CSF2RA: variants seen among roughly 807,000 people sequenced by gnomAD.
CSF2RA encodes the protein colony stimulating factor 2 receptor subunit alpha.
CSF2RA carries 42 observed loss-of-function variants against 51.6 expected under a neutral mutation model. The ratio of observed to expected loss-of-function variants is 0.81; its 90% CI spans 0.64 to 1.05. The LOEUF (loss-of-function observed/expected upper bound fraction) is 1.05, where lower values mean the gene tolerates loss of function less well. Ranked by LOEUF, CSF2RA falls within the 50% of genes least tolerant of loss-of-function variation. CSF2RA has a pLI of 0.00. For synonymous variants in CSF2RA, 222 were observed against 193.0 expected (o/e 1.15, Z -1.24); for missense variants, 530 against 501.1 (o/e 1.06, Z -0.55).
At chrX:1,324,099 C>G in the CSF2RA span, among the ~76,000 whole-genome samples, 2 of 151,872 alleles carry the variant, frequency 1.3e-5, no homozygotes, top group Admixed American at 6.6e-5. Flanking sequence ...GTGGGAGGAT[C>G]ACTTGAGTCT....
chrX:1,295,859 CA>C (rs2091893906), intron 9 of CSF2RA, among the ~76,000 whole-genome samples: 1 of 129,634 alleles, frequency 7.7e-6, no homozygotes, highest in Non-Finnish European at 1.7e-5. Context: ...CTACTCACCA[CA>C]CCTAATGTAA....
the CSF2RA span, among the ~76,000 whole-genome samples, chrX:1,317,071 C>T: frequency 1.6e-4 from 24 of 151,824 alleles, no homozygotes; most frequent in East Asian, 4.1e-3. Context: ...CTCAGCCTCC[C>T]GAGTAGCTGG....
At chrX:1,320,701 C>T in the CSF2RA span, among the ~76,000 whole-genome samples, 1,516 of 137,922 alleles carry the variant, frequency 0.011, 23 homozygotes, top group African/African-American at 0.029. Flanking sequence ...TTAGTAGAGA[C>T]GGGGTTTCGC....
At chrX:1,270,913 G>A (rs768454706) in intron 1 of CSF2RA, among the ~76,000 whole-genome samples, 91 of 42,336 alleles carry the variant, frequency 2.1e-3, no homozygotes, top group East Asian at 0.011. Flanking sequence ...GTGGTGGCGG[G>A]CGCCTGTAAT....
intron 4 of CSF2RA, among the ~76,000 whole-genome samples, chrX:1,287,675 C>G (rs1220400055): frequency 1.4e-5 from 2 of 138,076 alleles, no homozygotes; most frequent in African/African-American, 5.5e-5. Flanking sequence ...AACTCCTGAC[C>G]TCAAGTGATC....
At chrX:1,288,729 G>A (rs2091049521) in intron 5 of CSF2RA, 30 bp from the exon 6 acceptor site, 2 of 1,613,866 alleles carry the variant, frequency 1.2e-6, no homozygotes, top group South Asian at 1.1e-5. Flanking sequence ...ACTTCGGAGT[G>A]AAAATTATTT....
At position 1,294,320 on chromosome X, in the gene CSF2RA, C is replaced by A; in HGVS notation, c.647-8C>A. The A allele has an allele frequency of 1.2e-6, 2 of 1,613,016 alleles. No individual in the cohort carries two copies. Among genetic ancestry groups the A allele is most frequent in the Non-Finnish European group, 1.7e-6 (2 of 1,179,834 alleles). On this transcript the variant is annotated splice_polypyrimidine_tract_variant and splice_region_variant and intron_variant, in intron 7 of 12. Coordinates refer to ENST00000381529, the MANE Select transcript of CSF2RA (RefSeq NM_172245.4). ...GGTTCAGGGGTGTGTCCTGCGCCCT[C>A]GTTACAGAACGATTCAACCCTCCCA...
At chrX:1,320,016 C>T in the CSF2RA span, among the ~76,000 whole-genome samples, 1 of 151,596 alleles carries the variant, frequency 6.6e-6, no homozygotes, top group Non-Finnish European at 1.5e-5. Context: ...TTGCCTCAGC[C>T]TTCCGAGTAG....
chrX:1,302,976 A>T (rs1319846878), intron 10 of CSF2RA: 4 of 247,262 alleles, frequency 1.6e-5, no homozygotes, highest in Non-Finnish European at 3.0e-5. Context: ...GGTTCAAGCG[A>T]TTCTCCTGCC....
intron 1 of CSF2RA, 62 bp downstream of exon 1, chrX:1,268,941 C>T: frequency 2.2e-6 from 1 of 452,902 alleles, no homozygotes; most frequent in Non-Finnish European, 4.4e-6. Flanking sequence ...GTACATGTTT[C>T]TGCTGTGTCT....
At chrX:1,276,931 T>G (rs2089259602) in intron 2 of CSF2RA, among the ~76,000 whole-genome samples, 1 of 151,224 alleles carries the variant, frequency 6.6e-6, no homozygotes, top group African/African-American at 2.4e-5. Flanking sequence ...AAATGCTATC[T>G]CTACTAAAAA....
At chrX:1,300,385 A>G (rs762388617) in intron 9 of CSF2RA, 106 bp from the exon 10 acceptor site, 2 of 1,390,636 alleles carry the variant, frequency 1.4e-6, no homozygotes, top group East Asian at 2.3e-5. Flanking sequence ...AAGAAAAAGA[A>G]AAAAAGAAAA....
At chrX:1,301,960 A>T (rs1398602458) in intron 10 of CSF2RA, among the ~76,000 whole-genome samples, 3 of 128,960 alleles carry the variant, frequency 2.3e-5, no homozygotes, top group Non-Finnish European at 4.7e-5. Flanking sequence ...CTTGTTGCCC[A>T]GGCTGGAGTG....
chrX:1,313,555 CA>C (rs111455258), downstream of CSF2RA, among the ~76,000 whole-genome samples: 120,498 of 149,320 alleles, frequency 0.81, 48,748 homozygotes, highest in African/African-American at 0.92. Flanking sequence ...ACTAAAAATA[CA>C]AAAAAAAAAG....
rs2082997344 is a variant in CSF2RA at position 1,301,905 on chromosome X, C to A, written c.946+1279C>A. On this transcript the variant is annotated intron_variant, in intron 10 of 12. Coordinates refer to ENST00000381529, the MANE Select transcript of CSF2RA (RefSeq NM_172245.4). Reference sequence around the variant, plus strand: ...ACAGGCGTGAGCCACCGTGCCCGGCCCTCCCTCTTTTTTTTTTTTTTTTTT... The same window carrying A: ...ACAGGCGTGAGCCACCGTGCCCGGCACTCCCTCTTTTTTTTTTTTTTTTTT... Among the ~76,000 whole-genome samples the A allele has an allele frequency of 3.5e-5, 5 of 144,230 alleles. No individual in the cohort carries two copies. In the South Asian group the frequency reaches 1.1e-3, roughly 32 times the overall value. The allele number at this position is 144,230 out of a possible 152,430, so 94.6% of individuals were successfully genotyped here.
the CSF2RA span, among the ~76,000 whole-genome samples, chrX:1,315,466 C>T: frequency 2.2e-4 from 34 of 152,026 alleles, no homozygotes; most frequent in Non-Finnish European, 4.0e-4. Flanking sequence ...TGCAGTGGCG[C>T]GATCTCAGCT....
downstream of CSF2RA, among the ~76,000 whole-genome samples, chrX:1,314,818 G>GCACC (rs2148775457): frequency 1.1e-5 from 1 of 93,142 alleles, no homozygotes; most frequent in Non-Finnish European, 2.3e-5. Context: ...CAACCCCACT[G>GCACC]TGCCTGCCCA....
intron 2 of CSF2RA, 139 bp from the exon 3 acceptor site, chrX:1,282,539 C>A: frequency 2.7e-6 from 2 of 743,130 alleles, no homozygotes; most frequent in Non-Finnish European, 5.0e-6. Context: ...TCCCAGCTGG[C>A]CATGACCCCT....
the CSF2RA span, among the ~76,000 whole-genome samples, chrX:1,321,913 G>A: frequency 5.3e-5 from 8 of 151,976 alleles, no homozygotes; most frequent in East Asian, 9.7e-4. Flanking sequence ...TGGGTGGATC[G>A]CATCATGAGG....
Sources: allele counts gnomAD v4.1 joint callset (sites outside exome capture counted in the v4.1 genomes callset), GRCh38; gene constraint gnomAD v4.1.1; transcripts MANE v1.5; gene names NCBI Gene and HGNC (gene_info 2026-07-23, HGNC 2026-07-21).